SGCZ: variants seen among roughly 807,000 people sequenced by gnomAD.
SGCZ encodes the protein zeta-sarcoglycan.
A neutral mutation model predicts 41.3 loss-of-function variants in SGCZ; 40 were observed. That is an observed-to-expected ratio of 0.97 (90% CI 0.75 to 1.26). The LOEUF (loss-of-function observed/expected upper bound fraction) is 1.26. Ranked by LOEUF, SGCZ falls within the 50% of genes most tolerant of loss-of-function variation. SGCZ has a pLI of 0.00. For missense variants in SGCZ, 552 were observed against 369.8 expected (o/e 1.49, Z -4.04); for synonymous variants, 206 against 137.5 (o/e 1.50, Z -3.49).
At chr8:14,750,635 A>G (rs113003120) in intron 1 of SGCZ, among the ~76,000 whole-genome samples, 2,607 of 152,262 alleles carry the variant, frequency 0.017, 27 homozygotes, top group South Asian at 0.052. Flanking sequence ...TTAAACATGA[A>G]AGAAGACAGG....
chr8:15,030,113 C>G (rs187005486), intron 1 of SGCZ, among the ~76,000 whole-genome samples: 1 of 152,210 alleles, frequency 6.6e-6, no homozygotes, highest in Admixed American at 6.5e-5. Flanking sequence ...TATAGTGGTT[C>G]TTGCAATAGC....
At chr8:14,854,021 TTATATA>T (rs10604213) in intron 1 of SGCZ, among the ~76,000 whole-genome samples, 4,925 of 107,624 alleles carry the variant, frequency 0.046, 162 homozygotes, top group South Asian at 0.092. Context: ...TGTGATTATA[TTATATA>T]TATATATATA....
chr8:15,071,732 C>T (rs1805356252), intron 1 of SGCZ, among the ~76,000 whole-genome samples: 1 of 152,076 alleles, frequency 6.6e-6, no homozygotes, highest in Non-Finnish European at 1.5e-5. Context: ...CTTTTGTAAC[C>T]TTCTGGGAGT....
At chr8:15,119,113 T>C (rs1180983998) in intron 1 of SGCZ, among the ~76,000 whole-genome samples, 2 of 152,216 alleles carry the variant, frequency 1.3e-5, no homozygotes, top group African/African-American at 2.4e-5. Flanking sequence ...TCTTATCCTT[T>C]TAAGGGTGTA....
chr8:15,151,454 T>C (rs897343089), intron 1 of SGCZ, among the ~76,000 whole-genome samples: 1 of 152,166 alleles, frequency 6.6e-6, no homozygotes, highest in African/African-American at 2.4e-5. Flanking sequence ...TGTTCAAAAA[T>C]AATATCAGTG....
chr8:14,171,233 C>T (rs1189382860), intron 4 of SGCZ, among the ~76,000 whole-genome samples: 2 of 148,564 alleles, frequency 1.3e-5, no homozygotes, highest in Non-Finnish European at 3.0e-5. Flanking sequence ...CATTTTGACA[C>T]ATGTATCAGG....
rs1289731449 is a variant in SGCZ at position 14,785,000 on chromosome 8, AG to A, written c.40-230075del. 3.7e-4 allele frequency among the ~76,000 whole-genome samples: 53 copies of A among 143,654 alleles called. 1 individual carries two copies. The highest frequency in any genetic ancestry group is 7.8e-4 in the Non-Finnish European group (52 of 66,266). The allele number at this position is 143,654 out of a possible 152,430, so 94.2% of individuals were successfully genotyped here. On this transcript the variant is annotated intron_variant, in intron 1 of 7. Coordinates refer to ENST00000382080, the MANE Select transcript of SGCZ (RefSeq NM_139167.4). ...TATTTTTTATATATTATATATATAT[AG>A]CTTTATTTAGAAGCAGAAAATCTGA... is the stretch of plus-strand genomic sequence containing the variant.
Position 14,284,868 on chromosome 8 carries a change from T to A in SGCZ, c.336+39235A>T, listed in dbSNP as rs373731741. ...CTGTTTAATGCTGAGATCATCTGTA[T>A]GTTTTTTCTGTTGTCTGCTTTTCTG... On this transcript the variant is annotated intron_variant, in intron 3 of 7. Coordinates refer to ENST00000382080, the MANE Select transcript of SGCZ (RefSeq NM_139167.4). Among the ~76,000 whole-genome samples the A allele has an allele frequency of 7.2e-5, 11 of 152,346 alleles. No homozygotes were observed. The East Asian group carries it at 2.1e-3, about 29-fold the overall frequency.
intron 1 of SGCZ, among the ~76,000 whole-genome samples, chr8:14,899,560 C>T (rs1798890327): frequency 6.6e-6 from 1 of 152,138 alleles, no homozygotes; most frequent in African/African-American, 2.4e-5. Context: ...AAGGAATGCC[C>T]TTCACACTTC....
chr8:14,159,753 C>G (rs1309765694), intron 5 of SGCZ, among the ~76,000 whole-genome samples: 3 of 152,138 alleles, frequency 2.0e-5, no homozygotes, highest in Admixed American at 2.0e-4. Flanking sequence ...GGCATTTGGA[C>G]AGTGAAGAGG....
chr8:15,219,870 G>A (rs533214104), intron 1 of SGCZ, among the ~76,000 whole-genome samples: 1 of 152,296 alleles, frequency 6.6e-6, no homozygotes, highest in South Asian at 2.1e-4. Context: ...AGTGCCTATA[G>A]TGTGTAAAGC....
intron 1 of SGCZ, among the ~76,000 whole-genome samples, chr8:14,802,484 G>A (rs1801353119): frequency 6.6e-6 from 1 of 152,138 alleles, no homozygotes; most frequent in South Asian, 2.1e-4. Flanking sequence ...TACTCCCATG[G>A]AGGAACCATT....
At chr8:14,398,376 T>C (rs1798977245) in intron 2 of SGCZ, among the ~76,000 whole-genome samples, 1 of 152,152 alleles carries the variant, frequency 6.6e-6, no homozygotes, top group South Asian at 2.1e-4. Flanking sequence ...TGTTCAAGCA[T>C]CCTTTCCTCC....
chr8:15,005,985 T>C (rs1189990229), intron 1 of SGCZ, among the ~76,000 whole-genome samples: 3 of 152,204 alleles, frequency 2.0e-5, no homozygotes. Context: ...TGATAATGAA[T>C]CATGGAATTT....
chr8:14,753,142 T>G (rs1018122647), intron 1 of SGCZ, among the ~76,000 whole-genome samples: 1 of 152,186 alleles, frequency 6.6e-6, no homozygotes, highest in African/African-American at 2.4e-5. Flanking sequence ...ATTTCTATAA[T>G]AATGGGCTCT....
chr8:14,489,383 C>T (rs1043229358), intron 2 of SGCZ, among the ~76,000 whole-genome samples: 16 of 151,676 alleles, frequency 1.1e-4, no homozygotes, highest in Non-Finnish European at 1.6e-4. Context: ...TTCTTCTTAA[C>T]AACATTATAA....
At chr8:14,719,971 G>T (rs569606875) in intron 1 of SGCZ, among the ~76,000 whole-genome samples, 2 of 151,876 alleles carry the variant, frequency 1.3e-5, no homozygotes, top group African/African-American at 4.8e-5. Context: ...TTTCTTCTAG[G>T]GTTTTTAAGG....
At chr8:14,613,882 A>G (rs1046929342) in intron 1 of SGCZ, among the ~76,000 whole-genome samples, 5 of 152,218 alleles carry the variant, frequency 3.3e-5, no homozygotes, top group African/African-American at 1.2e-4. Flanking sequence ...TATCAAAACC[A>G]GTAAAAAGTA....
chr8:14,235,103 T>C (rs17118845), intron 4 of SGCZ, among the ~76,000 whole-genome samples: 7,670 of 152,286 alleles, frequency 0.05, 267 homozygotes, highest in East Asian at 0.12. Flanking sequence ...TCAAAATGTG[T>C]CATTATCCCC....
Sources: gnomAD v4.1 joint callset for allele counts (sites outside exome capture counted in the v4.1 genomes callset) on GRCh38, gnomAD v4.1.1 for gene constraint, MANE v1.5 for transcripts, NCBI Gene and HGNC (gene_info 2026-07-23, HGNC 2026-07-21) for gene names.